Variants in ARHGAP24 observed in about 807,000 individuals in gnomAD.
ARHGAP24 encodes rho GTPase-activating protein 24.
Under a neutral mutation model 76.4 loss-of-function variants are expected in ARHGAP24, and 50 were observed. The observed-to-expected ratio is 0.65, with a 90% CI of 0.52 to 0.83. The LOEUF is 0.83. Ranked by LOEUF, ARHGAP24 falls within the 40% of genes least tolerant of loss-of-function variation. The pLI, the probability that ARHGAP24 is intolerant of heterozygous loss-of-function variation, is 0.00. For missense variants in ARHGAP24, 930 were observed against 914.2 expected (o/e 1.02, Z -0.22); for synonymous variants, 345 against 323.3 (o/e 1.07, Z -0.72).
intron 3 of ARHGAP24, among the ~76,000 whole-genome samples, chr4:85,763,240 A>T (rs1726801253): frequency 1.3e-5 from 2 of 152,064 alleles, no homozygotes; most frequent in Non-Finnish European, 2.9e-5. Context: ...TGACTAGGCC[A>T]TTTTTTTTAT....
At chr4:85,722,072 G>A in intron 3 of ARHGAP24, 100 bp downstream of exon 3, 1 of 1,109,488 alleles carries the variant, frequency 9.0e-7, no homozygotes. Flanking sequence ...TCATGACTGA[G>A]AACCTTAATT....
intron 1 of ARHGAP24, among the ~76,000 whole-genome samples, chr4:85,545,015 C>G (rs1475877112): frequency 6.6e-6 from 1 of 152,080 alleles, no homozygotes; most frequent in African/African-American, 2.4e-5. Flanking sequence ...TTAACACTCA[C>G]TAGCCATGCT....
chr4:85,570,382 CTTTCTT>C lies in ARHGAP24; in HGVS notation c.-20-138_-20-133del. Reference sequence around the variant, plus strand: ...TTTCTTTCTCTTTCTTTCTTTCTTTCTTTCTTTCTTTCTTTCTTTCTTTCTTTCTTT... The same window carrying C: ...TTTCTTTCTCTTTCTTTCTTTCTTTCTCTTTCTTTCTTTCTTTCTTTCTTT... On this transcript the variant is annotated intron_variant, in intron 1 of 9. Coordinates refer to ENST00000395184, the MANE Select transcript of ARHGAP24 (RefSeq NM_001025616.3). The C allele has an allele frequency of 4.8e-4, 8 of 16,638 alleles. No homozygotes were observed. The East Asian group carries it at 5.0e-3, about 10-fold the overall frequency. 1.0% of individuals were successfully genotyped at this position (16,638 alleles called of 1,614,324 possible).
intron 1 of ARHGAP24, among the ~76,000 whole-genome samples, chr4:85,504,042 A>T (rs959583570): frequency 2.0e-5 from 3 of 152,178 alleles, no homozygotes; most frequent in Non-Finnish European, 4.4e-5. Context: ...TGAGTTTCTT[A>T]ATCTGGAGTT....
chr4:85,994,120 TC>T (rs1174889525), intron 8 of ARHGAP24, among the ~76,000 whole-genome samples: 2 of 152,170 alleles, frequency 1.3e-5, no homozygotes, highest in Non-Finnish European at 2.9e-5. Flanking sequence ...CACTAAAATA[TC>T]TTGATAGTTT....
At chr4:85,692,927 T>G (rs1204621884) in intron 2 of ARHGAP24, among the ~76,000 whole-genome samples, 1 of 152,108 alleles carries the variant, frequency 6.6e-6, no homozygotes, top group Non-Finnish European at 1.5e-5. Flanking sequence ...CTGGGAGGGT[T>G]AGTGTTTCTT....
chr4:85,630,714 G>GTACATTATAATTTAAAGAATTATT (rs1560561214), intron 2 of ARHGAP24, among the ~76,000 whole-genome samples: 6 of 151,656 alleles, frequency 4.0e-5, no homozygotes, highest in African/African-American at 7.3e-5. Flanking sequence ...ATCTAACATT[G>GTACATTATAATTTAAAGAATTATT]TACATTATAA....
intron 3 of ARHGAP24, among the ~76,000 whole-genome samples, chr4:85,911,836 TTAATATTATC>T (rs1391602060): frequency 4.6e-5 from 7 of 152,346 alleles, no homozygotes; most frequent in African/African-American, 1.4e-4. Context: ...ATCCACTTAC[TTAATATTATC>T]TAAAATTAGC....
intron 3 of ARHGAP24, among the ~76,000 whole-genome samples, chr4:85,740,430 C>G (rs1173657205): frequency 6.6e-6 from 1 of 152,010 alleles, no homozygotes; most frequent in Non-Finnish European, 1.5e-5. Flanking sequence ...ACCATGTTGG[C>G]CAGGCTGCTC....
chr4:85,935,980 A>C (rs141143986), intron 4 of ARHGAP24, among the ~76,000 whole-genome samples: 89 of 152,294 alleles, frequency 5.8e-4, no homozygotes, highest in African/African-American at 2.1e-3. Flanking sequence ...TGGCTACTTA[A>C]AAAGTTTGTG....
At chr4:85,697,274 C>G (rs1479934094) in intron 2 of ARHGAP24, among the ~76,000 whole-genome samples, 2 of 152,176 alleles carry the variant, frequency 1.3e-5, no homozygotes, top group Non-Finnish European at 2.9e-5. Context: ...AGGAGCTTAA[C>G]TATCTAGTTG....
intron 3 of ARHGAP24, among the ~76,000 whole-genome samples, chr4:85,843,615 C>T (rs1204282681): frequency 3.9e-5 from 6 of 152,008 alleles, no homozygotes; most frequent in Admixed American, 2.6e-4. Flanking sequence ...AACATATCAA[C>T]GTATTTTGTG....
At chr4:85,929,445 C>T (rs1736197284) in intron 4 of ARHGAP24, among the ~76,000 whole-genome samples, 1 of 152,130 alleles carries the variant, frequency 6.6e-6, no homozygotes, top group African/African-American at 2.4e-5. Context: ...GGGGTTAAGG[C>T]ACTAGCATTC....
intron 2 of ARHGAP24, among the ~76,000 whole-genome samples, chr4:85,635,073 A>G (rs1442756695): frequency 6.6e-6 from 1 of 151,872 alleles, no homozygotes. Flanking sequence ...CAAGACCAAT[A>G]TATGTTTTTT....
At chr4:85,656,702 G>A (rs6816066) in intron 2 of ARHGAP24, among the ~76,000 whole-genome samples, 4,252 of 151,970 alleles carry the variant, frequency 0.028, 182 homozygotes, top group African/African-American at 0.097. Context: ...TCCTGACCTC[G>A]TGATCCACCC....
chr4:85,757,674 C>T (rs1726564703), intron 3 of ARHGAP24, among the ~76,000 whole-genome samples: 2 of 152,136 alleles, frequency 1.3e-5, no homozygotes, highest in South Asian at 4.1e-4. Flanking sequence ...CCGCAATAAA[C>T]ATACGTGTGC....
intron 3 of ARHGAP24, among the ~76,000 whole-genome samples, chr4:85,915,070 T>C (rs1735303177): frequency 6.6e-6 from 1 of 152,232 alleles, no homozygotes; most frequent in Non-Finnish European, 1.5e-5. Context: ...CAGAAGAATG[T>C]AATTACATAC....
At chr4:85,648,144 C>T (rs1442220421) in intron 2 of ARHGAP24, among the ~76,000 whole-genome samples, 1 of 152,118 alleles carries the variant, frequency 6.6e-6, no homozygotes. Flanking sequence ...TCTGCAGAAC[C>T]AAAACCTTGA....
chr4:85,511,612 G>A (rs559164026), intron 1 of ARHGAP24, among the ~76,000 whole-genome samples: 71 of 152,108 alleles, frequency 4.7e-4, no homozygotes, highest in African/African-American at 1.4e-3. Context: ...ACAGGCATGC[G>A]CCACTATGCC....
Sources: gnomAD v4.1 joint callset for allele counts (sites outside exome capture counted in the v4.1 genomes callset) on GRCh38, gnomAD v4.1.1 for gene constraint, MANE v1.5 for transcripts, NCBI Gene and HGNC (gene_info 2026-07-23, HGNC 2026-07-21) for gene names.